Variants in CSNK1G1 observed in about 807,000 individuals in gnomAD.
CSNK1G1 encodes casein kinase 1 gamma 1, also known as casein kinase I isoform gamma-1.
CSNK1G1 carries 22 observed loss-of-function variants against 59.6 expected under a neutral mutation model. That is an observed-to-expected ratio of 0.37 (90% CI 0.26 to 0.53). The LOEUF is 0.53. Among genes scored for constraint, CSNK1G1 ranks in the 20% least tolerant of loss-of-function variants. The pLI, the probability that CSNK1G1 is intolerant of heterozygous loss-of-function variation, is 0.89. For missense variants in CSNK1G1, 384 were observed against 519.5 expected, an observed-to-expected ratio of 0.74 and a Z score of 2.54; for synonymous variants, 179 against 177.1, an observed-to-expected ratio of 1.01 and a Z score of -0.08.
At chr15:64,269,494 T>A (rs1437119343) in intron 2 of CSNK1G1, among the ~76,000 whole-genome samples, 1 of 94,476 alleles carries the variant, frequency 1.1e-5, no homozygotes, top group African/African-American at 5.4e-5. Context: ...TGATGGCTAT[T>A]TTTTTTTTTT....
chr15:64,277,569 A>G (rs1473653729), intron 2 of CSNK1G1, among the ~76,000 whole-genome samples: 1 of 131,758 alleles, frequency 7.6e-6, no homozygotes, highest in Non-Finnish European at 1.6e-5. Flanking sequence ...AAAATTTAAT[A>G]TAATAAATAT....
At position 64,296,937 on chromosome 15, in the gene CSNK1G1, C is replaced by CTTTTTTTTT. The variant is rs960068624; in HGVS notation, c.181+3373_181+3381dup. ...AGAGAACCAAAATGCACTATCGTTA[C>CTTTTTTTTT]TTTTTTTTTTTTTTTTTTTTTTTTG... On this transcript the variant is annotated intron_variant, in intron 2 of 11. Transcript: ENST00000303052. Among the ~76,000 whole-genome samples the CTTTTTTTTT allele has an allele frequency of 4.5e-3, 403 of 89,638 alleles. 2 individuals carry two copies. The highest frequency in any genetic ancestry group is 7.4e-3 in the African/African-American group (152 of 20,458). The allele number at this position is 89,638 out of a possible 152,430, so 58.8% of individuals were successfully genotyped here.
rs1555499587 is a variant in CSNK1G1, at chr15:64,201,287, A to AAG, written c.1107+1794_1107+1795insCT. Reference sequence around the variant, plus strand: ...ACACTGTCTCAAAAAAAAAAAAAAAAAAAGAAAGAAAAAGAAAAGAAAAAA... The same window carrying AAG: ...ACACTGTCTCAAAAAAAAAAAAAAAAAGAAAGAAAGAAAAAGAAAAGAAAAAA... On this transcript the variant is annotated intron_variant, in intron 10 of 11. Transcript: ENST00000303052. Among the ~76,000 whole-genome samples, 894 of 148,932 alleles carry AAG rather than the reference A, an allele frequency of 6.0e-3. 7 individuals carry two copies. The highest frequency in any genetic ancestry group is 0.015 in the African/African-American group (599 of 39,014).
At chr15:64,249,811 A>G (rs1435840941) in intron 4 of CSNK1G1, among the ~76,000 whole-genome samples, 1 of 152,238 alleles carries the variant, frequency 6.6e-6, no homozygotes. Flanking sequence ...CCAACCCAGC[A>G]GCACAGATGT....
intron 11 of CSNK1G1, among the ~76,000 whole-genome samples, chr15:64,173,625 T>C (rs563258225): frequency 2.3e-4 from 33 of 141,394 alleles, no homozygotes; most frequent in African/African-American, 7.4e-4. Flanking sequence ...TTTTCTTTTT[T>C]TTTTTTTTTT....
intron 2 of CSNK1G1, among the ~76,000 whole-genome samples, chr15:64,279,164 C>T (rs939485054): frequency 2.0e-5 from 3 of 152,154 alleles, no homozygotes; most frequent in African/African-American, 4.8e-5. Context: ...AGCACACAAA[C>T]GTTAACTGTA....
intron 1 of CSNK1G1, among the ~76,000 whole-genome samples, chr15:64,336,147 C>T (rs1357753157): frequency 6.6e-6 from 1 of 152,180 alleles, no homozygotes; most frequent in Non-Finnish European, 1.5e-5. Context: ...CGTACCTAAA[C>T]CGTTCAAAGC....
intron 7 of CSNK1G1, among the ~76,000 whole-genome samples, chr15:64,205,754 T>C (rs896487743): frequency 3.9e-5 from 6 of 152,190 alleles, no homozygotes; most frequent in Non-Finnish European, 8.8e-5. Context: ...GGCTGTATGA[T>C]GACCAAGTTT....
intron 3 of CSNK1G1, among the ~76,000 whole-genome samples, chr15:64,254,887 T>A (rs947946398): frequency 6.6e-6 from 1 of 152,308 alleles, no homozygotes; most frequent in African/African-American, 2.4e-5. Flanking sequence ...GTCATGAAGC[T>A]TTTCCCATGT....
intron 11 of CSNK1G1, among the ~76,000 whole-genome samples, chr15:64,172,655 A>C (rs2081688565): frequency 6.6e-6 from 1 of 152,166 alleles, no homozygotes; most frequent in Non-Finnish European, 1.5e-5. Context: ...CCAAGAGCTG[A>C]CCATCAGGAT....
Position 64,169,900 on chromosome 15 carries a change from T to G in CSNK1G1, c.*2031A>C, listed in dbSNP as rs552067208. ...GTACCTCTGATCCATGTTAATGTTA[T>G]TTCTGCTCTGTGTAAGGTACATCAA... On this transcript the variant is annotated 3_prime_UTR_variant, in exon 12 of 12. Transcript: ENST00000303052. 6.6e-6 allele frequency: 1 copy of G among 152,338 alleles called. No individual in the cohort carries two copies. Among genetic ancestry groups the G allele is most frequent in the Admixed American group, 6.5e-5 (1 of 15,306 alleles). The allele number at this position is 152,338 out of a possible 1,614,324, so 9.4% of individuals were successfully genotyped here.
chr15:64,282,873 T>A (rs1331742087), intron 2 of CSNK1G1, among the ~76,000 whole-genome samples: 1 of 152,210 alleles, frequency 6.6e-6, no homozygotes, highest in Non-Finnish European at 1.5e-5. Context: ...AACTGTGGTT[T>A]TGATATGCAT....
rs557872357 is a variant in CSNK1G1 at position 64,181,361 on chromosome 15, T to G, written c.1108-907A>C. The G allele has an allele frequency of 5.2e-6, 8 of 1,536,092 alleles. No individual in the cohort carries two copies. The Middle Eastern group carries it at 5.0e-4, about 96-fold the overall frequency. ...ATTTCCAGCACATTATTCCTGTTTATGTGGGTGCTGGGAAGTGGGAAAAGG... is the reference window on the plus strand; with the variant it reads ...ATTTCCAGCACATTATTCCTGTTTAGGTGGGTGCTGGGAAGTGGGAAAAGG... On this transcript the variant is annotated intron_variant, in intron 10 of 11. Coordinates refer to ENST00000303052, the MANE Select transcript of CSNK1G1 (RefSeq NM_022048.5).
intron 1 of CSNK1G1, among the ~76,000 whole-genome samples, chr15:64,355,239 A>G (rs1812527253): frequency 6.6e-6 from 1 of 152,200 alleles, no homozygotes; most frequent in South Asian, 2.1e-4. Flanking sequence ...GCTTTTCAGA[A>G]TTCCACTTTT....
intron 1 of CSNK1G1, among the ~76,000 whole-genome samples, chr15:64,355,136 G>A (rs1005818016): frequency 6.6e-6 from 1 of 152,158 alleles, no homozygotes; most frequent in Non-Finnish European, 1.5e-5. Flanking sequence ...CTAGACCTGT[G>A]ATACATCTAT....
chr15:64,201,186 T>C (rs1040489288), intron 10 of CSNK1G1, among the ~76,000 whole-genome samples: 1 of 149,822 alleles, frequency 6.7e-6, no homozygotes, highest in African/African-American at 2.5e-5. Flanking sequence ...ACAGGAGAAT[T>C]GCTTGAATCT....
chr15:64,282,762 T>G (rs1174552631), intron 2 of CSNK1G1, among the ~76,000 whole-genome samples: 8 of 152,210 alleles, frequency 5.3e-5, no homozygotes, highest in Admixed American at 2.0e-4. Flanking sequence ...TATAGCATTT[T>G]ACATTCCCAA....
chr15:64,249,508 G>A (rs2140316034), intron 4 of CSNK1G1, among the ~76,000 whole-genome samples: 1 of 152,288 alleles, frequency 6.6e-6, no homozygotes, highest in Admixed American at 6.5e-5. Flanking sequence ...AAGGCTTTGT[G>A]ACCTTTACAT....
chr15:64,245,767 C>G (rs541884250), intron 4 of CSNK1G1, among the ~76,000 whole-genome samples: 1 of 150,818 alleles, frequency 6.6e-6, no homozygotes, highest in African/African-American at 2.4e-5. Flanking sequence ...AAAAAAGACA[C>G]ACACACAAAA....
Sources: gnomAD v4.1 joint callset for allele counts (sites outside exome capture counted in the v4.1 genomes callset) on GRCh38, gnomAD v4.1.1 for gene constraint, MANE v1.5 for transcripts, NCBI Gene and HGNC (gene_info 2026-07-23, HGNC 2026-07-21) for gene names.